Variants in ANO3 observed in about 807,000 individuals in gnomAD.
The protein encoded by ANO3 is anoctamin-3.
ANO3 carries 99 observed loss-of-function variants against 144.8 expected under a neutral mutation model. That is an observed-to-expected ratio of 0.68 (90% confidence interval 0.58 to 0.81). ANO3 has a LOEUF of 0.81. ANO3 is among the 30% of genes least tolerant of loss of function. The pLI is 0.00. For synonymous variants in ANO3, 414 were observed against 392.6 expected, an observed-to-expected ratio of 1.05 and a Z score of -0.64; for missense variants, 905 against 1,202.2, an observed-to-expected ratio of 0.75 and a Z score of 3.66.
chr11:26,414,518 C>A (rs937486871), intron 1 of ANO3, among the ~76,000 whole-genome samples: 2 of 151,730 alleles, frequency 1.3e-5, no homozygotes, highest in African/African-American at 2.4e-5. Flanking sequence ...CATGTTCTCA[C>A]TTATAAGTGG....
chr11:26,219,432 G>A (rs1317680726), intron 1 of ANO3, among the ~76,000 whole-genome samples: 2 of 152,294 alleles, frequency 1.3e-5, no homozygotes, highest in East Asian at 3.9e-4. Flanking sequence ...CTCTTTAGCA[G>A]TGCAAAAGGA....
rs1486957896 is a variant in ANO3, at chr11:26,441,952, A to G, written c.81A>G (p.Glu27=). The part of the protein sequence containing the change: ...MNISKSEITK[E]TSLKPSRRSL... Reference sequence around the variant, plus strand: ...TAAGCAAGAGTGAGATAACAAAAGAAACTTCGTTAAAACCGTCTCGGAGAT... The same window carrying G: ...TAAGCAAGAGTGAGATAACAAAAGAGACTTCGTTAAAACCGTCTCGGAGAT... Residue 27 remains glutamate, a synonymous_variant, in exon 2 of 27, where the codon GAA becomes GAG. Transcript: ENST00000256737. 6.2e-7 allele frequency: 1 copy of G among 1,613,784 alleles called. No homozygotes were observed. The highest frequency in any genetic ancestry group is 8.5e-7 in the Non-Finnish European group (1 of 1,179,932).
At chr11:26,609,145 C>T (rs574943972) in intron 17 of ANO3, among the ~76,000 whole-genome samples, 7 of 152,222 alleles carry the variant, frequency 4.6e-5, no homozygotes, top group African/African-American at 1.4e-4. Context: ...CTGGGTAGCA[C>T]GCTGACTGGC....
At chr11:26,598,480 CTG>C in intron 15 of ANO3, 33 bp downstream of exon 15, 1 of 1,441,388 alleles carries the variant, frequency 6.9e-7, no homozygotes, top group Non-Finnish European at 9.5e-7. Flanking sequence ...AATAGGGAAA[CTG>C]GGCTATTACA....
intron 14 of ANO3, among the ~76,000 whole-genome samples, chr11:26,578,541 C>T (rs563580493): frequency 2.6e-5 from 4 of 152,192 alleles, no homozygotes; most frequent in African/African-American, 7.2e-5. Context: ...TGGGAAGGAG[C>T]GGGCGATCAT....
intron 1 of ANO3, among the ~76,000 whole-genome samples, chr11:26,194,476 G>A (rs1851543859): frequency 6.6e-6 from 1 of 150,902 alleles, no homozygotes; most frequent in African/African-American, 2.4e-5. Flanking sequence ...GTGTGTGTGT[G>A]TGTGTGTGTG....
At chr11:26,498,037 T>A (rs1861036747) in intron 4 of ANO3, among the ~76,000 whole-genome samples, 2 of 152,038 alleles carry the variant, frequency 1.3e-5, no homozygotes, top group Admixed American at 1.3e-4. Flanking sequence ...TTTATGGGAC[T>A]TGAATGTGTT....
intron 14 of ANO3, among the ~76,000 whole-genome samples, chr11:26,568,472 G>GT (rs35237782): frequency 0.27 from 41,275 of 150,396 alleles, 5,817 homozygotes; most frequent in South Asian, 0.4. Context: ...TCCTACCATA[G>GT]TTTTTTTTTT....
At chr11:26,217,300 C>T (rs927873527) in intron 1 of ANO3, among the ~76,000 whole-genome samples, 3 of 151,962 alleles carry the variant, frequency 2.0e-5, no homozygotes, top group African/African-American at 7.2e-5. Flanking sequence ...GGATTGGATG[C>T]AAGACAGGAC....
chr11:26,635,333 A>G (rs548505414), intron 20 of ANO3, among the ~76,000 whole-genome samples: 2 of 150,002 alleles, frequency 1.3e-5, no homozygotes, highest in South Asian at 4.3e-4. Context: ...AGCTCCAGTA[A>G]TTTTCCTTTT....
At chr11:26,526,896 A>G (rs141182785) in intron 7 of ANO3, among the ~76,000 whole-genome samples, 1 of 152,098 alleles carries the variant, frequency 6.6e-6, no homozygotes, top group Admixed American at 6.6e-5. Flanking sequence ...TTTGCTAATA[A>G]AATTAGTCAT....
At chr11:26,304,197 T>C (rs1418354412) in intron 1 of ANO3, among the ~76,000 whole-genome samples, 1 of 152,200 alleles carries the variant, frequency 6.6e-6, no homozygotes, top group Non-Finnish European at 1.5e-5. Flanking sequence ...TTTACAATTT[T>C]CATTTGAAAT....
At chr11:26,231,815 T>G (rs1317641421) in intron 1 of ANO3, among the ~76,000 whole-genome samples, 1 of 152,222 alleles carries the variant, frequency 6.6e-6, no homozygotes, top group African/African-American at 2.4e-5. Flanking sequence ...CAATAAATGT[T>G]ATTTATTATC....
At chr11:26,336,475 C>A (rs190109031) in intron 1 of ANO3, among the ~76,000 whole-genome samples, 22 of 152,332 alleles carry the variant, frequency 1.4e-4, no homozygotes, top group Admixed American at 2.6e-4. Flanking sequence ...GAATGTTTTA[C>A]ACTTATATGG....
chr11:26,257,843 G>T (rs756284980), intron 1 of ANO3, among the ~76,000 whole-genome samples: 21 of 152,068 alleles, frequency 1.4e-4, no homozygotes, highest in Non-Finnish European at 2.9e-4. Flanking sequence ...TAAAAATCTA[G>T]TGTTCCCTTC....
intron 1 of ANO3, among the ~76,000 whole-genome samples, chr11:26,406,524 A>G (rs545880315): frequency 1.3e-5 from 2 of 151,962 alleles, no homozygotes; most frequent in East Asian, 1.9e-4. Flanking sequence ...CCAGTTTGGC[A>G]TAGTTAGAAA....
rs886876344 is a variant in ANO3 at position 26,599,017 on chromosome 11, T to C, written c.1671+19T>C. On this transcript the variant is annotated intron_variant, in intron 16 of 26. Coordinates refer to ENST00000256737, the MANE Select transcript of ANO3 (RefSeq NM_031418.4). ...CTTCATGGTAAAGTATAGGCATCGATATCAAAATGTTTTGGGATTCTAAAT... is the reference window on the plus strand; with the variant it reads ...CTTCATGGTAAAGTATAGGCATCGACATCAAAATGTTTTGGGATTCTAAAT... 8.7e-6 allele frequency: 14 copies of C among 1,609,306 alleles called. No homozygotes were observed. Among genetic ancestry groups the C allele is most frequent in the Non-Finnish European group, 1.0e-5 (12 of 1,178,654 alleles).
intron 9 of ANO3, among the ~76,000 whole-genome samples, chr11:26,536,873 A>C (rs1020130450): frequency 6.6e-6 from 1 of 152,176 alleles, no homozygotes; most frequent in African/African-American, 2.4e-5. Flanking sequence ...TACCAGGAGT[A>C]TATGAGAGTG....
At chr11:26,391,237 G>C (rs964888875) in intron 1 of ANO3, among the ~76,000 whole-genome samples, 1 of 152,018 alleles carries the variant, frequency 6.6e-6, no homozygotes, top group African/African-American at 2.4e-5. Context: ...ATCACATGAC[G>C]AAGGGGCTCA....
Sources: gnomAD v4.1 joint callset for allele counts (sites outside exome capture counted in the v4.1 genomes callset) on GRCh38, gnomAD v4.1.1 for gene constraint, MANE v1.5 for transcripts, NCBI Gene and HGNC (gene_info 2026-07-23, HGNC 2026-07-21) for gene names.